Variants in SLC41A2 observed in about 807,000 individuals in gnomAD.
SLC41A2 encodes SLC41A1-like 1.
Under a neutral mutation model 58.3 loss-of-function variants are expected in SLC41A2, and 32 were observed. That is an observed-to-expected ratio of 0.55 (90% CI 0.41 to 0.74). SLC41A2 has a LOEUF of 0.74. Among genes scored for constraint, SLC41A2 ranks in the 30% least tolerant of loss-of-function variants. The probability of loss-of-function intolerance (pLI) is 0.00; values close to 1 mark genes in which losing one functional copy is unlikely to be tolerated. For synonymous variants in SLC41A2, 190 were observed against 235.0 expected (o/e 0.81, Z 1.75); for missense variants, 514 against 680.6 (o/e 0.76, Z 2.72).
intron 6 of SLC41A2, among the ~76,000 whole-genome samples, chr12:104,882,325 T>C (rs567714204): frequency 6.6e-6 from 1 of 152,204 alleles, no homozygotes; most frequent in Non-Finnish European, 1.5e-5. Flanking sequence ...ACATTTAACA[T>C]TAATATTGTT....
chr12:104,942,212 C>T (rs2047538758), intron 1 of SLC41A2, among the ~76,000 whole-genome samples: 1 of 152,174 alleles, frequency 6.6e-6, no homozygotes, highest in South Asian at 2.1e-4. Flanking sequence ...GGCACAGTGA[C>T]TCACACCTGT....
chr12:104,866,294 A>T (rs1048913377), intron 7 of SLC41A2, 138 bp downstream of exon 7: 4 of 1,217,838 alleles, frequency 3.3e-6, no homozygotes, highest in Non-Finnish European at 4.2e-6. Flanking sequence ...TAAAATAATT[A>T]ACCTAAGAAA....
At chr12:104,889,883 A>G (rs1029335030) in intron 4 of SLC41A2, among the ~76,000 whole-genome samples, 8 of 152,176 alleles carry the variant, frequency 5.3e-5, no homozygotes, top group Admixed American at 6.5e-5. Context: ...TGCTTTCCAC[A>G]GTGCTGACAC....
At chr12:104,949,778 TC>T (rs2047884827) in intron 1 of SLC41A2, among the ~76,000 whole-genome samples, 1 of 152,142 alleles carries the variant, frequency 6.6e-6, no homozygotes, top group South Asian at 2.1e-4. Context: ...GGACGAGGTT[TC>T]TCCACGTTGG....
intron 1 of SLC41A2, among the ~76,000 whole-genome samples, chr12:104,950,206 C>G (rs2047899297): frequency 6.6e-6 from 1 of 151,988 alleles, no homozygotes; most frequent in African/African-American, 2.4e-5. Flanking sequence ...GGTTGTGTCC[C>G]CACCCAAATC....
intron 10 of SLC41A2, among the ~76,000 whole-genome samples, chr12:104,843,593 A>G (rs1318521949): frequency 6.6e-6 from 1 of 152,092 alleles, no homozygotes; most frequent in Non-Finnish European, 1.5e-5. Context: ...ATCTCCAAAA[A>G]GCTTTAGATT....
Position 104,845,875 on chromosome 12 carries a change from C to T in SLC41A2, c.1355G>A (p.Cys452Tyr), listed in dbSNP as rs1327437386. ...PGELPDEPKG[C>Y]YYPFRTFFGP... is the part of the protein sequence containing the mutation. ...AAAGAAAGTTCTAAATGGGTAGTAA[C>T]AACCTTTGGGTTCATCAGGCAATTC... Residue 452 changes from cysteine (C) to tyrosine (Y), a missense_variant, in exon 9 of 11, where the codon TGT becomes TAT. Coordinates refer to ENST00000258538, the MANE Select transcript of SLC41A2 (RefSeq NM_001352171.3). The T allele has an allele frequency of 6.2e-7, 1 of 1,613,620 alleles. No individual in the cohort carries two copies. The highest frequency in any genetic ancestry group is 2.2e-5 in the East Asian group (1 of 44,852).
chr12:104,937,564 T>C (rs2047333789), intron 1 of SLC41A2, among the ~76,000 whole-genome samples: 1 of 152,210 alleles, frequency 6.6e-6, no homozygotes, highest in Non-Finnish European at 1.5e-5. Flanking sequence ...TGTGTTAGCA[T>C]ACTCTATGAT....
intron 1 of SLC41A2, among the ~76,000 whole-genome samples, chr12:104,943,325 C>T (rs1486550134): frequency 1.3e-5 from 2 of 152,044 alleles, no homozygotes; most frequent in Non-Finnish European, 2.9e-5. Flanking sequence ...AGCAGAGGAG[C>T]TTCAAAACAC....
chr12:104,872,813 A>C lies in SLC41A2; in HGVS notation c.1028-6234T>G, dbSNP rs191315725. Among the ~76,000 whole-genome samples, 10 of 152,350 alleles carry C rather than the reference A, an allele frequency of 6.6e-5. No homozygotes were observed. In the East Asian group the frequency reaches 1.9e-3, roughly 29 times the overall value. ...TAGTACATGTATGAAAGCTAACAGC[A>C]CATGAGGGGGTATTCAGTCATTTCA... On this transcript the variant is annotated intron_variant, in intron 6 of 10. Coordinates refer to ENST00000258538, the MANE Select transcript of SLC41A2 (RefSeq NM_001352171.3).
chr12:104,834,016 T>G, intron 10 of SLC41A2: 1 of 985,350 alleles, frequency 1.0e-6, no homozygotes, highest in South Asian at 4.7e-5. Context: ...GAAAAGATGG[T>G]TGAGCTTCCC....
At chr12:104,934,904 C>T (rs1454299080) in intron 1 of SLC41A2, among the ~76,000 whole-genome samples, 1 of 152,004 alleles carries the variant, frequency 6.6e-6, no homozygotes, top group Non-Finnish European at 1.5e-5. Context: ...AAAGTTGTTG[C>T]TCAAAAGGTA....
At chr12:104,862,535 C>T (rs2043250461) in intron 7 of SLC41A2, among the ~76,000 whole-genome samples, 1 of 152,076 alleles carries the variant, frequency 6.6e-6, no homozygotes, top group South Asian at 2.1e-4. Flanking sequence ...ATAAAAGTTA[C>T]TATAGAAAAA....
In SLC41A2 at chr12:104,889,184, T is replaced by A. The variant is rs1268125020; in HGVS notation, c.736-7A>T. The A allele has an allele frequency of 4.4e-6, 7 of 1,598,974 alleles. No homozygotes were observed. Among genetic ancestry groups the A allele is most frequent in the Non-Finnish European group, 6.0e-6 (7 of 1,176,162 alleles). On this transcript the variant is annotated splice_region_variant and splice_polypyrimidine_tract_variant and intron_variant, in intron 4 of 10. Transcript: ENST00000258538. ...CCACTACTGTTGCCTGAACCTAAAA[T>A]TTTTTTCATAAATCCAACTGAATTA... is the stretch of plus-strand genomic sequence containing the variant.
rs1380927317 is a variant in SLC41A2 at position 104,928,464 on chromosome 12, C to T, written c.64G>A (p.Gly22Ser). 5 of 1,547,586 alleles carry T rather than the reference C, an allele frequency of 3.2e-6. No homozygotes were observed. The highest frequency in any genetic ancestry group is 4.4e-6 in the Non-Finnish European group (5 of 1,145,492). ...KTSGGPSSGGGFVDWTLRLNT... is the reference protein window; with the variant it reads ...KTSGGPSSGGSFVDWTLRLNT... ...AAACGTAAAGTCCAATCTACAAAAC[C>T]TCCTCCACTACTTGGACCACCACTT... The change falls in exon 2 of 11, where the codon GGT (glycine) becomes AGT (serine). Residue 22 changes from glycine to serine, a missense_variant. Transcript: ENST00000258538.
intron 4 of SLC41A2, among the ~76,000 whole-genome samples, chr12:104,890,953 T>C (rs1454004702): frequency 1.3e-5 from 2 of 152,142 alleles, no homozygotes. Context: ...CTACCCTCCA[T>C]GGCCAGTCTC....
chr12:104,865,971 T>C (rs1004941327), intron 7 of SLC41A2, among the ~76,000 whole-genome samples: 1 of 152,184 alleles, frequency 6.6e-6, no homozygotes, highest in African/African-American at 2.4e-5. Flanking sequence ...CTTTTACATA[T>C]GTCCTTAATT....
intron 10 of SLC41A2, among the ~76,000 whole-genome samples, chr12:104,833,058 A>G (rs2042093199): frequency 6.6e-6 from 1 of 152,220 alleles, no homozygotes; most frequent in Non-Finnish European, 1.5e-5. Context: ...AGAATCAACA[A>G]CAGAGTTGAA....
intron 6 of SLC41A2, among the ~76,000 whole-genome samples, chr12:104,884,509 C>CTATATACATAG (rs1433663727): frequency 6.6e-6 from 1 of 152,146 alleles, no homozygotes; most frequent in Non-Finnish European, 1.5e-5. Flanking sequence ...ATAGGGTAAC[C>CTATATACATAG]TGTCCCAGAA....
Sources: gnomAD v4.1 joint callset for allele counts (sites outside exome capture counted in the v4.1 genomes callset) on GRCh38, gnomAD v4.1.1 for gene constraint, MANE v1.5 for transcripts, NCBI Gene and HGNC (gene_info 2026-07-23, HGNC 2026-07-21) for gene names.